Variants in ADAM12 observed in about 807,000 individuals in gnomAD.
The protein encoded by ADAM12 is ADAM metallopeptidase domain 12.
In ADAM12, 70 loss-of-function variants were observed where a neutral mutation model predicts 106.4. That is an observed-to-expected ratio of 0.66 (90% CI 0.54 to 0.80). The LOEUF (loss-of-function observed/expected upper bound fraction) is 0.80. ADAM12 is among the 30% of genes least tolerant of loss of function. ADAM12 has a pLI of 0.00. For missense variants in ADAM12, 1,010 were observed against 1,171.9 expected, an observed-to-expected ratio of 0.86 and a Z score of 2.02; for synonymous variants, 420 against 433.5, an observed-to-expected ratio of 0.97 and a Z score of 0.39.
Position 126,302,408 on chromosome 10 carries a change from A to G in ADAM12, c.187-23420T>C, listed in dbSNP as rs186753400. Among the ~76,000 whole-genome samples the G allele has an allele frequency of 6.7e-4, 102 of 152,338 alleles. No individual in the cohort carries two copies. In the Middle Eastern group the frequency reaches 0.01, roughly 15 times the overall value. ...AAAATGGAAAGTCAGCATTTTTTAGAAAGTAATTGGTCTTTTATTATACGA... is the reference window on the plus strand; with the variant it reads ...AAAATGGAAAGTCAGCATTTTTTAGGAAGTAATTGGTCTTTTATTATACGA... On this transcript the variant is annotated intron_variant, in intron 2 of 22. Coordinates refer to ENST00000448723, the MANE Select transcript of ADAM12 (RefSeq NM_001288973.2).
intron 4 of ADAM12, among the ~76,000 whole-genome samples, chr10:126,148,981 C>T (rs1009691438): frequency 4.6e-5 from 7 of 152,148 alleles, no homozygotes; most frequent in African/African-American, 1.7e-4. Context: ...TCAAGGGCTG[C>T]CCAACACAGG....
At chr10:126,085,356 A>G (rs993228731) in intron 11 of ADAM12, among the ~76,000 whole-genome samples, 15 of 152,244 alleles carry the variant, frequency 9.9e-5, no homozygotes, top group African/African-American at 3.6e-4. Context: ...TTAGTACAAA[A>G]GACAGTGGCC....
At chr10:126,338,926 C>T (rs12356119) in intron 1 of ADAM12, among the ~76,000 whole-genome samples, 25,377 of 152,028 alleles carry the variant, frequency 0.17, 2,312 homozygotes, top group Middle Eastern at 0.28. Flanking sequence ...CAGTGAAAAA[C>T]AAGTCATTCT....
At chr10:126,379,443 A>C (rs2133932987) in intron 1 of ADAM12, among the ~76,000 whole-genome samples, 1 of 152,320 alleles carries the variant, frequency 6.6e-6, no homozygotes, top group Middle Eastern at 3.4e-3. Context: ...TCAGAAGAAC[A>C]GAAAACCAAA....
At chr10:126,138,609 C>T (rs1565088060) in intron 4 of ADAM12, among the ~76,000 whole-genome samples, 1 of 152,174 alleles carries the variant, frequency 6.6e-6, no homozygotes, top group Non-Finnish European at 1.5e-5. Context: ...CTACTGACCT[C>T]AAGCAATCTG....
At chr10:126,237,661 A>G (rs1590662743) in intron 3 of ADAM12, among the ~76,000 whole-genome samples, 2 of 152,262 alleles carry the variant, frequency 1.3e-5, no homozygotes, top group South Asian at 4.1e-4. Flanking sequence ...ACTTCAAATA[A>G]TATTTGGTTA....
chr10:126,252,087 ATGGATGGGATGGAT>A (rs1392255819), intron 3 of ADAM12, among the ~76,000 whole-genome samples: 1 of 109,354 alleles, frequency 9.1e-6, no homozygotes, highest in Non-Finnish European at 1.9e-5. Context: ...AATGGATTAG[ATGGATGGGATGGAT>A]TGGATGGATG....
chr10:126,366,325 A>G (rs1342524369), intron 1 of ADAM12, among the ~76,000 whole-genome samples: 1 of 152,190 alleles, frequency 6.6e-6, no homozygotes, highest in Non-Finnish European at 1.5e-5. Context: ...CTGCTTCCAT[A>G]TTAATTCCAT....
At chr10:126,227,293 C>A (rs1380088582) in intron 3 of ADAM12, among the ~76,000 whole-genome samples, 2 of 152,134 alleles carry the variant, frequency 1.3e-5, no homozygotes, top group Non-Finnish European at 2.9e-5. Flanking sequence ...ACCATCATCA[C>A]TATTATCACC....
chr10:126,079,280 C>T (rs910618826), intron 11 of ADAM12, among the ~76,000 whole-genome samples: 1 of 152,010 alleles, frequency 6.6e-6, no homozygotes, highest in Non-Finnish European at 1.5e-5. Context: ...TGCAGAACTT[C>T]CCCCCACCCC....
Position 126,038,248 on chromosome 10 carries a change from G to A in ADAM12, c.2342C>T (p.Pro781Leu). Residue 781 changes from proline (P) to leucine (L), a missense_variant, in exon 20 of 23, where the codon CCA (proline) becomes CTA (leucine). By Grantham distance (98) the Pro-to-Leu change is moderately conservative. Coordinates refer to ENST00000448723, the MANE Select transcript of ADAM12 (RefSeq NM_001288973.2). ...CATCTACTCAAGACTCACCTTCGGT[G>A]GGTAGGAATCTGGCGGCTTCCTCAT... Reference protein sequence around the residue: ...GLMRKPPDSYPPKDNPRRLLQ... With the variant: ...GLMRKPPDSYLPKDNPRRLLQ... 1 of 1,609,430 alleles carries A rather than the reference G, an allele frequency of 6.2e-7. No homozygotes were observed. Among genetic ancestry groups the A allele is most frequent in the East Asian group, 2.2e-5 (1 of 44,794 alleles).
At position 126,066,677 on chromosome 10, in the gene ADAM12, T is replaced by A; in HGVS notation, c.1413+40A>T. The A allele has an allele frequency of 6.3e-7, 1 of 1,595,648 alleles. No individual in the cohort carries two copies. The highest frequency in any genetic ancestry group is 8.6e-7 in the Non-Finnish European group (1 of 1,163,240). ...ATCAGATCTGAACCACCTGAACCTG[T>A]TGGCGACCTGGGGGTCAAGTTGTAG... On this transcript the variant is annotated intron_variant, in intron 13 of 22. Transcript: ENST00000448723. The surrounding 1 kb of genome is among the most constrained non-coding windows in gnomAD (Gnocchi z 5.1).
chr10:126,208,765 T>C (rs1406037624), intron 3 of ADAM12, among the ~76,000 whole-genome samples: 1 of 152,038 alleles, frequency 6.6e-6, no homozygotes, highest in Non-Finnish European at 1.5e-5. Context: ...AGGAAAATGC[T>C]ATGAAGCCCA....
rs996853364 is a variant in ADAM12, at chr10:126,388,209, G to A, written c.-64C>T. The A allele has an allele frequency of 2.5e-6, 3 of 1,196,538 alleles. No individual in the cohort carries two copies. The highest frequency in any genetic ancestry group is 3.1e-6 in the Non-Finnish European group (3 of 965,100). 74.1% of individuals were successfully genotyped at this position (1,196,538 alleles called of 1,614,324 possible). A position where few individuals can be genotyped will look rare whatever the true frequency, so the allele number is the denominator to read the frequency against. ...GGCGAGCGCTGCACCATCCCACGCG[G>A]GCGCCGAGCCGGGGCCGGGCGTCGC... On this transcript the variant is annotated 5_prime_UTR_variant, in exon 1 of 23. Transcript: ENST00000448723. The surrounding 1 kb of genome is among the most constrained non-coding windows in gnomAD (Gnocchi z 4.4).
chr10:126,295,241 TG>T (rs1217729828), intron 2 of ADAM12, among the ~76,000 whole-genome samples: 1 of 152,144 alleles, frequency 6.6e-6, no homozygotes, highest in Non-Finnish European at 1.5e-5. Context: ...TGTGATGCTT[TG>T]GTCATTGTTA....
In ADAM12 at chr10:126,177,231, GA is replaced by G. The variant is rs748029695; in HGVS notation, c.261-21927del. Among the ~76,000 whole-genome samples, 3 of 151,488 alleles carry G rather than the reference GA, an allele frequency of 2.0e-5. No individual in the cohort carries two copies. The East Asian group carries it at 5.8e-4, about 29-fold the overall frequency. On this transcript the variant is annotated intron_variant, in intron 3 of 22. Transcript: ENST00000448723. The stretch of plus-strand genomic sequence containing the variant: ...CAATTACTTTACCAGGAGGAAAATA[GA>G]AGATAACATTAGATTGTAAATGGAA...
At chr10:126,299,665 T>A (rs576106203) in intron 2 of ADAM12, among the ~76,000 whole-genome samples, 4 of 152,266 alleles carry the variant, frequency 2.6e-5, no homozygotes, top group African/African-American at 9.6e-5. Context: ...TTTCTTTTTT[T>A]AACAGTCTCA....
At chr10:126,096,424 G>C (rs3758421) in intron 10 of ADAM12, among the ~76,000 whole-genome samples, 11,151 of 152,214 alleles carry the variant, frequency 0.073, 1,049 homozygotes, top group African/African-American at 0.21. Flanking sequence ...TATTTCCAAA[G>C]CAAGGCTGTT....
chr10:126,301,506 T>G (rs751255696), intron 2 of ADAM12, among the ~76,000 whole-genome samples: 4 of 152,148 alleles, frequency 2.6e-5, no homozygotes, highest in Admixed American at 6.6e-5. Context: ...AGTTAGGCCT[T>G]CAGTTCTTGT....
Sources: allele counts gnomAD v4.1 joint callset (sites outside exome capture counted in the v4.1 genomes callset), GRCh38; gene constraint gnomAD v4.1.1; non-coding constraint Gnocchi (gnomAD v3.1); transcripts MANE v1.5; gene names NCBI Gene and HGNC (gene_info 2026-07-23, HGNC 2026-07-21).